HACL2: variants seen among roughly 807,000 people sequenced by gnomAD.
The protein encoded by HACL2 is 2-hydroxyacyl-CoA lyase 2, also known as 2-hydroxyacyl-CoA lyase 1 like.
At chr19:15,125,454 A>AG in the HACL2 span, 1 of 190,850 alleles carries the variant, frequency 5.2e-6, no homozygotes, top group African/African-American at 2.4e-5. Context: ...CCCAGTAGTG[A>AG]GCCCGCCCCA....
At chr19:15,115,311 C>G in the HACL2 span, 5 of 1,614,182 alleles carry the variant, frequency 3.1e-6, no homozygotes, top group Non-Finnish European at 4.2e-6. Flanking sequence ...TTGACCACAA[C>G]CGGGTGGCCG....
At chr19:15,120,065 G>C in the HACL2 span, 1 of 1,549,898 alleles carries the variant, frequency 6.5e-7, no homozygotes, top group African/African-American at 1.4e-5. Context: ...AGGTTGGCCA[G>C]GTAATTCTCT....
At chr19:15,119,787 G>C in the HACL2 span, among the ~76,000 whole-genome samples, 1 of 152,138 alleles carries the variant, frequency 6.6e-6, no homozygotes, top group South Asian at 2.1e-4. Context: ...CTGGCCTCAA[G>C]TGATCCGCCT....
the HACL2 span, chr19:15,123,429 T>C: frequency 1.2e-6 from 2 of 1,614,182 alleles, no homozygotes; most frequent in Non-Finnish European, 8.5e-7. The surrounding 1 kb of genome is among the most constrained non-coding windows in gnomAD (Gnocchi z 5.1). Context: ...TCATGGCGTG[T>C]GTCCACCACA....
At chr19:15,125,363 A>C in the HACL2 span, 1 of 401,366 alleles carries the variant, frequency 2.5e-6, no homozygotes, top group Non-Finnish European at 4.5e-6. Flanking sequence ...AGCACCACAC[A>C]GTTATCTTCC....
the HACL2 span, chr19:15,123,672 G>C: frequency 5.4e-6 from 6 of 1,114,682 alleles, no homozygotes; most frequent in Non-Finnish European, 7.9e-6. This position sits in a 1 kb window ranked among gnomAD's most constrained non-coding sequence, Gnocchi z 5.1. Context: ...AAGGGGGCAG[G>C]AGCAGGGTGA....
the HACL2 span, among the ~76,000 whole-genome samples, chr19:15,121,070 C>T: frequency 6.6e-6 from 1 of 152,070 alleles, no homozygotes; most frequent in South Asian, 2.1e-4. Flanking sequence ...GGCTATATGA[C>T]CAAAATGGTG....
the HACL2 span, chr19:15,119,024 T>G: frequency 1.2e-6 from 1 of 823,632 alleles, no homozygotes; most frequent in Non-Finnish European, 1.8e-6. Flanking sequence ...ATGCGTCTGG[T>G]TGGGTTCAAA....
chr19:15,124,899 C>T, the HACL2 span: 6 of 1,586,518 alleles, frequency 3.8e-6, no homozygotes, highest in East Asian at 1.4e-4. Flanking sequence ...CTGCCCCCAG[C>T]CCACCTCCCA....
the HACL2 span, chr19:15,123,749 A>C: frequency 1.7e-6 from 1 of 605,174 alleles, no homozygotes; most frequent in East Asian, 2.8e-5. This position sits in a 1 kb window ranked among gnomAD's most constrained non-coding sequence, Gnocchi z 5.1. Context: ...AAACCAAGGC[A>C]TAACATCTTA....
chr19:15,119,092 C>A, the HACL2 span: 42 of 1,482,450 alleles, frequency 2.8e-5, no homozygotes, highest in Admixed American at 9.5e-4. Context: ...CCTTCCTCCT[C>A]CTTCGTGTGA....
the HACL2 span, chr19:15,125,261 C>T: frequency 1.6e-6 from 1 of 611,746 alleles, no homozygotes; most frequent in Non-Finnish European, 2.9e-6. Flanking sequence ...CTCTCCGTGA[C>T]AAGGTCACGC....
At chr19:15,123,954 G>C in the HACL2 span, 1 of 227,558 alleles carries the variant, frequency 4.4e-6, no homozygotes, top group African/African-American at 2.2e-5. This position sits in a 1 kb window ranked among gnomAD's most constrained non-coding sequence, Gnocchi z 5.1. Flanking sequence ...CACAACGCAC[G>C]CAGAGCAGAT....
At chr19:15,115,469 AGCCCACCGCACAT>A in the HACL2 span, 624 of 1,607,066 alleles carry the variant, frequency 3.9e-4, 8 homozygotes, top group South Asian at 4.9e-3. Context: ...GCAAGGACTC[AGCCCACCGCACAT>A]GCAGCCAGCC....
the HACL2 span, among the ~76,000 whole-genome samples, chr19:15,120,783 A>G: frequency 2.4e-4 from 37 of 152,318 alleles, no homozygotes; most frequent in African/African-American, 8.9e-4. Context: ...GAAGCAGCCC[A>G]GGATGGAACC....
chr19:15,125,391 T>C, the HACL2 span: 1 of 281,858 alleles, frequency 3.5e-6, no homozygotes, highest in Non-Finnish European at 6.7e-6. Context: ...TACTTGTCAA[T>C]GGACAGGCGG....
chr19:15,115,206 C>T, the HACL2 span: 1 of 1,606,132 alleles, frequency 6.2e-7, no homozygotes, highest in Non-Finnish European at 8.5e-7. Context: ...CAGCTGGACA[C>T]AGTCCAGGGG....
chr19:15,124,670 G>A, the HACL2 span: 4 of 531,200 alleles, frequency 7.5e-6, no homozygotes, highest in South Asian at 2.3e-5. Context: ...AAGAGTCACT[G>A]GGGAAGGAGG....
At chr19:15,115,143 G>T in the HACL2 span, 1 of 1,287,430 alleles carries the variant, frequency 7.8e-7, no homozygotes, top group Non-Finnish European at 1.1e-6. Context: ...AGGTTGTGGA[G>T]TCACTGGGCC....
Sources: gnomAD v4.1 joint callset for allele counts (sites outside exome capture counted in the v4.1 genomes callset) on GRCh38, gnomAD v4.1.1 for gene constraint, Gnocchi (gnomAD v3.1) non-coding constraint, MANE v1.5 for transcripts, NCBI Gene and HGNC (gene_info 2026-07-23, HGNC 2026-07-21) for gene names.